Variants in ALS2 observed in about 807,000 individuals in gnomAD.
The protein encoded by ALS2 is alsin.
A neutral mutation model predicts 203.4 loss-of-function variants in ALS2; 117 were observed. The ratio of observed to expected loss-of-function variants is 0.58; its 90% CI spans 0.50 to 0.67. ALS2 has a LOEUF of 0.67. ALS2 is among the 30% of genes least tolerant of loss of function. The pLI, the probability that ALS2 is intolerant of heterozygous loss-of-function variation, is 0.00. For synonymous variants in ALS2, 718 were observed against 725.9 expected, an observed-to-expected ratio of 0.99 and a Z score of 0.17; for missense variants, 1,715 against 1,989.4, an observed-to-expected ratio of 0.86 and a Z score of 2.62.
intron 13 of ALS2, among the ~76,000 whole-genome samples, chr2:201,729,557 T>C (rs1009873764): frequency 3.9e-5 from 6 of 152,060 alleles, no homozygotes; most frequent in Admixed American, 1.3e-4. Context: ...AATTAAGAAA[T>C]GTTAGAAGCT....
At chr2:201,704,417 T>C in intron 32 of ALS2, 37 bp downstream of exon 32, 1 of 1,611,886 alleles carries the variant, frequency 6.2e-7, no homozygotes, top group Non-Finnish European at 8.5e-7. Flanking sequence ...CTTTTAAAAA[T>C]AACGACTCAC....
At chr2:201,723,266 A>G (rs1253035235) in intron 22 of ALS2, 64 bp downstream of exon 22, 17 of 1,459,152 alleles carry the variant, frequency 1.2e-5, no homozygotes, top group South Asian at 2.3e-5. Flanking sequence ...AAGATGATTT[A>G]AAAAGTTAAG....
At chr2:201,713,133 C>CTTTTTTTTTTT (rs35807671) in intron 25 of ALS2, among the ~76,000 whole-genome samples, 55 of 96,110 alleles carry the variant, frequency 5.7e-4, no homozygotes, top group Non-Finnish European at 8.4e-4. Context: ...CTTTTCTTTT[C>CTTTTTTTTTTT]TTTTTTTTTT....
intron 4 of ALS2, among the ~76,000 whole-genome samples, chr2:201,758,063 G>T (rs908158412): frequency 1.3e-5 from 2 of 152,122 alleles, no homozygotes; most frequent in African/African-American, 4.8e-5. Context: ...CAGTAAAAAG[G>T]GAGGGAGAAG....
At chr2:201,769,165 C>G (rs1456031566) in intron 1 of ALS2, among the ~76,000 whole-genome samples, 1 of 152,024 alleles carries the variant, frequency 6.6e-6, no homozygotes, top group Non-Finnish European at 1.5e-5. Context: ...AATGTAATGT[C>G]AAAGGAAGAA....
chr2:201,774,197 A>G (rs1050928920), intron 1 of ALS2, among the ~76,000 whole-genome samples: 3 of 152,176 alleles, frequency 2.0e-5, no homozygotes, highest in African/African-American at 7.2e-5. Flanking sequence ...CTGCATGACA[A>G]AGGCTGTGGT....
At chr2:201,746,481 T>C (rs1692658547) in intron 9 of ALS2, 85 bp downstream of exon 9, 7 of 1,473,166 alleles carry the variant, frequency 4.8e-6, no homozygotes, top group Admixed American at 1.7e-5. Context: ...TTACTAATAA[T>C]TAGCCATACA....
At chr2:201,759,783 T>C (rs1693646767) in intron 4 of ALS2, 1 of 985,144 alleles carries the variant, frequency 1.0e-6, no homozygotes, top group African/African-American at 1.7e-5. Context: ...ATCAAGAGGC[T>C]ATGTGGTTTC....
Position 201,711,057 on chromosome 2 carries a change from G to T in ALS2, c.4056C>A (p.Phe1352Leu). 3 of 1,612,732 alleles carry T rather than the reference G, an allele frequency of 1.9e-6. No homozygotes were observed. The highest frequency in any genetic ancestry group is 2.5e-6 in the Non-Finnish European group (3 of 1,179,022). Reference sequence around the variant, plus strand: ...AGAAGGCACCAACATGCTGTGGAATGAATTCCAAACTCTCTAGTGTCTGAG... The same window carrying T: ...AGAAGGCACCAACATGCTGTGGAATTAATTCCAAACTCTCTAGTGTCTGAG... ...SQTQTLESLE[F>L]IPQHVGAFSV... The change falls in exon 26 of 34, where the codon TTC becomes TTA. Residue 1352 changes from phenylalanine to leucine, a missense_variant. This residue lies in a region of ALS2 where 1,227 missense variants were observed against 1,413.5 expected (regional missense o/e 0.87). Coordinates refer to ENST00000264276, the MANE Select transcript of ALS2 (RefSeq NM_020919.4).
intron 5 of ALS2, among the ~76,000 whole-genome samples, chr2:201,755,066 C>T (rs1693297281): frequency 6.6e-6 from 1 of 152,168 alleles, no homozygotes; most frequent in Admixed American, 6.5e-5. Context: ...GAACAAAATA[C>T]TATACTAAGG....
intron 1 of ALS2, among the ~76,000 whole-genome samples, chr2:201,771,895 C>T (rs1350492520): frequency 1.3e-5 from 2 of 152,194 alleles, no homozygotes; most frequent in East Asian, 3.8e-4. Context: ...TGTTAACCAG[C>T]TCTGATAAAG....
chr2:201,773,430 G>C (rs1157128049), intron 1 of ALS2, among the ~76,000 whole-genome samples: 1 of 152,134 alleles, frequency 6.6e-6, no homozygotes. Context: ...GGGGGACCAA[G>C]GAGAAGCAGG....
chr2:201,758,760 A>G (rs62193437), intron 4 of ALS2, among the ~76,000 whole-genome samples: 91,139 of 150,688 alleles, frequency 0.6, 29,804 homozygotes, highest in Non-Finnish European at 0.73. Flanking sequence ...GTGTGTGCGC[A>G]TGTGTGTGTG....
chr2:201,741,350 G>A (rs1692253671), intron 11 of ALS2: 2 of 259,660 alleles, frequency 7.7e-6, no homozygotes, highest in Non-Finnish European at 1.5e-5. Context: ...TTTCTTCCAA[G>A]TTTTAGTACA....
chr2:201,746,002 G>GA (rs1559068916), intron 9 of ALS2, among the ~76,000 whole-genome samples: 1 of 152,004 alleles, frequency 6.6e-6, no homozygotes, highest in Non-Finnish European at 1.5e-5. Context: ...GTGAAGCAGG[G>GA]AAAAACAGAA....
At chr2:201,734,897 C>G (rs1158092148) in intron 12 of ALS2, among the ~76,000 whole-genome samples, 1 of 152,028 alleles carries the variant, frequency 6.6e-6, no homozygotes, top group Non-Finnish European at 1.5e-5. Context: ...ATGGCAAGGT[C>G]TGTACTTTTT....
In ALS2 at chr2:201,723,352, T is replaced by G. The variant is rs746803277; in HGVS notation, c.3602A>C (p.Asn1201Thr). The change falls in exon 22 of 34, where the codon AAC (asparagine) becomes ACC (threonine). Residue 1201 changes from asparagine to threonine, a missense_variant. By Grantham distance (65) the Asn-to-Thr change is moderately conservative. This residue lies in a region of ALS2 where 1,227 missense variants were observed against 1,413.5 expected (regional missense o/e 0.87). Coordinates refer to ENST00000264276, the MANE Select transcript of ALS2 (RefSeq NM_020919.4). ...CACCATCATTTTATTAAGGTGAAAG[T>G]TGCCCTCGTAGTATAATCCAAACTG... is the stretch of plus-strand genomic sequence containing the variant. The part of the protein sequence containing the change: ...VTQFGLYYEG[N>T]FHLNKMMGNG... 12 of 1,612,926 alleles carry G rather than the reference T, an allele frequency of 7.4e-6. No homozygotes were observed. Among genetic ancestry groups the G allele is most frequent in the Non-Finnish European group, 9.3e-6 (11 of 1,178,878 alleles).
intron 2 of ALS2, among the ~76,000 whole-genome samples, chr2:201,768,096 T>A (rs762305264): frequency 6.6e-6 from 1 of 152,184 alleles, no homozygotes; most frequent in Admixed American, 6.5e-5. Context: ...AAAAAGTACT[T>A]GATGAGAACA....
At position 201,724,397 on chromosome 2, in the gene ALS2, A is replaced by C. The variant is rs750414152; in HGVS notation, c.3410T>G (p.Leu1137Arg). 2 of 1,613,938 alleles carry C rather than the reference A, an allele frequency of 1.2e-6. No homozygotes were observed. The highest frequency in any genetic ancestry group is 1.7e-5 in the Admixed American group (1 of 60,026). ...GGACGTCAATTTCCCACTTCGTAGA[A>C]GACCATGACCATGACGCATATTATC... ...FQDNMRHGHG[L>R]LRSGKLTSSS... Residue 1137 changes from leucine to arginine, a missense_variant, in exon 21 of 34, where the codon CTT (leucine) becomes CGT (arginine). By Grantham distance (102) the Leu-to-Arg change is moderately radical. Transcript: ENST00000264276.
Sources: gnomAD v4.1 joint callset for allele counts (sites outside exome capture counted in the v4.1 genomes callset) on GRCh38, gnomAD v4.1.1 for gene constraint, gnomAD v4.1.1 regional missense constraint, MANE v1.5 for transcripts, NCBI Gene and HGNC (gene_info 2026-07-23, HGNC 2026-07-21) for gene names.